The following ALS2 variants were observed in gnomAD, a reference collection of about 807,000 sequenced individuals.
The protein encoded by ALS2 is alsin.
Under a neutral mutation model 203.4 loss-of-function variants are expected in ALS2, and 117 were observed. That is an observed-to-expected ratio of 0.58 (90% confidence interval 0.50 to 0.67). The LOEUF is 0.67. ALS2 is among the 30% of genes least tolerant of loss of function. The probability of loss-of-function intolerance (pLI) is 0.00; values close to 1 mark genes in which losing one functional copy is unlikely to be tolerated. For missense variants in ALS2, 1,715 were observed against 1,989.4 expected (o/e 0.86, Z 2.62); for synonymous variants, 718 against 725.9 (o/e 0.99, Z 0.17).
intron 13 of ALS2, 21 bp from the exon 14 acceptor site, chr2:201,729,204 A>AG: frequency 6.2e-7 from 1 of 1,608,744 alleles, no homozygotes. Context: ...AAAATTAAAG[A>AG]GGAAAAAAAA....
chr2:201,741,898 C>T (rs776105133), intron 10 of ALS2, 44 bp from the exon 11 acceptor site: 15 of 1,486,442 alleles, frequency 1.0e-5, no homozygotes, highest in African/African-American at 2.8e-5. Context: ...AACTGAAAAC[C>T]GATCACTTTA....
chr2:201,736,857 A>G (rs1362432404), intron 12 of ALS2, among the ~76,000 whole-genome samples: 1 of 152,190 alleles, frequency 6.6e-6, no homozygotes, highest in Non-Finnish European at 1.5e-5. Flanking sequence ...CCAGAGAAAT[A>G]TAAATAACAA....
chr2:201,719,587 CG>C (rs1690632486), intron 23 of ALS2, among the ~76,000 whole-genome samples: 1 of 142,096 alleles, frequency 7.0e-6, no homozygotes, highest in Admixed American at 6.9e-5. Flanking sequence ...GACTCCGTCT[CG>C]AAAAAAATAA....
At chr2:201,717,877 C>G (rs1690514986) in intron 24 of ALS2, among the ~76,000 whole-genome samples, 200 bp downstream of exon 24, 6 of 151,852 alleles carry the variant, frequency 4.0e-5, no homozygotes, top group Admixed American at 2.0e-4. Context: ...GAGGTCAAGG[C>G]TGCAGTGAGC....
intron 13 of ALS2, among the ~76,000 whole-genome samples, chr2:201,730,211 TTG>T (rs1301129223): frequency 6.6e-6 from 1 of 152,196 alleles, no homozygotes; most frequent in African/African-American, 2.4e-5. Flanking sequence ...AATGAGCTTT[TTG>T]TACCCTGTGA....
intron 32 of ALS2, 93 bp downstream of exon 32, chr2:201,704,361 G>A: frequency 6.5e-7 from 1 of 1,537,120 alleles, no homozygotes; most frequent in Non-Finnish European, 9.0e-7. Context: ...TTTTTCTAGT[G>A]GAAGAGCGTA....
intron 1 of ALS2, among the ~76,000 whole-genome samples, chr2:201,770,187 G>A (rs1039280783): frequency 6.6e-6 from 1 of 152,058 alleles, no homozygotes; most frequent in African/African-American, 2.4e-5. Context: ...GAGTTACTAC[G>A]CCCTTGATTA....
chr2:201,738,636 G>C (rs766970047), intron 12 of ALS2, 34 bp downstream of exon 12: 21 of 1,594,876 alleles, frequency 1.3e-5, no homozygotes, highest in East Asian at 1.1e-4. Context: ...CTTTGGCGGA[G>C]AGAATGATAA....
chr2:201,708,494 C>T (rs1456839519), intron 27 of ALS2, among the ~76,000 whole-genome samples: 1 of 152,190 alleles, frequency 6.6e-6, no homozygotes, highest in Non-Finnish European at 1.5e-5. Flanking sequence ...GTGTACCCAT[C>T]ACCTGAACAG....
At chr2:201,773,051 AG>A (rs1263488637) in intron 1 of ALS2, among the ~76,000 whole-genome samples, 1 of 151,874 alleles carries the variant, frequency 6.6e-6, no homozygotes, top group Non-Finnish European at 1.5e-5. Flanking sequence ...TAGTAGAGAC[AG>A]GGTTTCACTA....
chr2:201,767,211 C>T lies in ALS2; in HGVS notation c.175+18G>A, dbSNP rs374705603. Reference sequence around the variant, plus strand: ...TTAGCATTGCAGTTCGTATTTGTTACGCCATTCTTTTCATTACCTTCAGTC... The same window carrying T: ...TTAGCATTGCAGTTCGTATTTGTTATGCCATTCTTTTCATTACCTTCAGTC... On this transcript the variant is annotated intron_variant, in intron 3 of 33. Coordinates refer to ENST00000264276, the MANE Select transcript of ALS2 (RefSeq NM_020919.4). The T allele has an allele frequency of 4.3e-5, 70 of 1,613,804 alleles. No individual in the cohort carries two copies. Among genetic ancestry groups the T allele is most frequent in the African/African-American group, 5.3e-5 (4 of 75,020 alleles).
chr2:201,752,299 ACTTC>A (rs1176417018), intron 7 of ALS2, among the ~76,000 whole-genome samples: 2 of 152,142 alleles, frequency 1.3e-5, no homozygotes, highest in African/African-American at 4.8e-5. Flanking sequence ...ACTTATTCCT[ACTTC>A]CTTAACACTT....
At chr2:201,747,446 G>C (rs981904460) in intron 8 of ALS2, among the ~76,000 whole-genome samples, 5 of 148,572 alleles carry the variant, frequency 3.4e-5, no homozygotes, top group African/African-American at 1.2e-4. Context: ...GGGGAATAGA[G>C]TCCAGCACTC....
chr2:201,749,518 T>C (rs1381165391), intron 8 of ALS2, among the ~76,000 whole-genome samples, 194 bp downstream of exon 8: 2 of 152,150 alleles, frequency 1.3e-5, no homozygotes, highest in Non-Finnish European at 2.9e-5. Context: ...CTAAGAAATA[T>C]AAACACATAA....
At chr2:201,728,441 C>T (rs1574710642) in intron 15 of ALS2, 71 bp downstream of exon 15, 1 of 1,585,212 alleles carries the variant, frequency 6.3e-7, no homozygotes, top group South Asian at 1.1e-5. Context: ...TGAACATAAA[C>T]TGATAGTACA....
chr2:201,709,700 T>A (rs963026588), intron 27 of ALS2, among the ~76,000 whole-genome samples, 181 bp downstream of exon 27: 1 of 152,198 alleles, frequency 6.6e-6, no homozygotes, highest in Non-Finnish European at 1.5e-5. Context: ...TAAATAACAA[T>A]AGCTAAGGTT....
At chr2:201,753,654 C>T (rs978286336) in intron 6 of ALS2, among the ~76,000 whole-genome samples, 6 of 152,310 alleles carry the variant, frequency 3.9e-5, no homozygotes, top group African/African-American at 1.4e-4. Flanking sequence ...CACTTAAAAA[C>T]TTCCCAATAT....
At chr2:201,763,614 A>T (rs939134097) in intron 3 of ALS2, 2 of 186,018 alleles carry the variant, frequency 1.1e-5, no homozygotes, top group Middle Eastern at 2.5e-3. Flanking sequence ...AGTAAGCCTA[A>T]AAAATGTTAA....
Position 201,767,846 on chromosome 2 carries a change from C to T in ALS2, c.21-463G>A, listed in dbSNP as rs951224369. Among the ~76,000 whole-genome samples the T allele has an allele frequency of 1.3e-4, 17 of 129,648 alleles. 1 individual carries two copies. In the South Asian group the frequency reaches 3.2e-3, roughly 24 times the overall value. The allele number at this position is 129,648 out of a possible 152,430, so 85.1% of individuals were successfully genotyped here. ...TCTTGCCACTGCACTCCAGCCTGGG[C>T]GACAGAGCAAGACTCTGTCTAAAAA... On this transcript the variant is annotated intron_variant, in intron 2 of 33. Transcript: ENST00000264276.
Sources: allele counts gnomAD v4.1 joint callset (sites outside exome capture counted in the v4.1 genomes callset), GRCh38; gene constraint gnomAD v4.1.1; transcripts MANE v1.5; gene names NCBI Gene and HGNC (gene_info 2026-07-23, HGNC 2026-07-21).